ARFGEF3: variants seen among roughly 807,000 people sequenced by gnomAD.
ARFGEF3 encodes the protein ARFGEF family member 3, also known as brefeldin A-inhibited guanine nucleotide-exchange protein 3.
Under a neutral mutation model 221.7 loss-of-function variants are expected in ARFGEF3, and 96 were observed. That is an observed-to-expected ratio of 0.43 (90% CI 0.37 to 0.51). The LOEUF (loss-of-function observed/expected upper bound fraction) is 0.51. ARFGEF3 is among the 20% of genes least tolerant of loss of function. The pLI, the probability that ARFGEF3 is intolerant of heterozygous loss-of-function variation, is 0.00. For synonymous variants in ARFGEF3, 1,145 were observed against 1,126.8 expected (o/e 1.02, Z -0.32); for missense variants, 2,410 against 2,789.9 (o/e 0.86, Z 3.07).
rs1440958039 is a variant in ARFGEF3 at position 138,162,098 on chromosome 6, C to T, written c.12C>T (p.Ile4=). The change falls in exon 1 of 34, where the codon ATC becomes ATT. Residue 4 remains isoleucine (I), a synonymous_variant. Coordinates refer to ENST00000251691, the MANE Select transcript of ARFGEF3 (RefSeq NM_020340.5). This position sits in a 1 kb window ranked among gnomAD's most constrained non-coding sequence, Gnocchi z 4.7. ...CCTGGAAGGTCAAGATGGAAGAAAT[C>T]CTGAGGAAGCTGCAGAAGGAGGCGT... The part of the protein sequence containing the change: MEE[I]LRKLQKEASG... The T allele has an allele frequency of 6.9e-6, 11 of 1,600,796 alleles. No individual in the cohort carries two copies. The highest frequency in any genetic ancestry group is 9.4e-6 in the Non-Finnish European group (11 of 1,173,412).
At chr6:138,321,450 A>G (rs1780025940) in intron 29 of ARFGEF3, among the ~76,000 whole-genome samples, 1 of 152,220 alleles carries the variant, frequency 6.6e-6, no homozygotes. Flanking sequence ...AGTTTCTCAA[A>G]GACATACAGA....
intron 4 of ARFGEF3, among the ~76,000 whole-genome samples, chr6:138,221,699 C>G (rs1304997245): frequency 6.6e-6 from 1 of 152,102 alleles, no homozygotes; most frequent in Admixed American, 6.6e-5. Context: ...ATCACTGTTA[C>G]AGTATTTCCT....
At chr6:138,296,751 T>C (rs1345311946) in intron 20 of ARFGEF3, 59 bp from the exon 21 acceptor site, 1 of 1,568,944 alleles carries the variant, frequency 6.4e-7, no homozygotes, top group East Asian at 2.2e-5. Context: ...TTTGCTTGAA[T>C]AGGTCAGACT....
chr6:138,210,405 A>G (rs939461414), intron 4 of ARFGEF3, among the ~76,000 whole-genome samples: 1 of 152,158 alleles, frequency 6.6e-6, no homozygotes, highest in Non-Finnish European at 1.5e-5. Flanking sequence ...TAATGTTTTG[A>G]TATATACTGA....
At chr6:138,208,905 G>T (rs548947598) in intron 3 of ARFGEF3, among the ~76,000 whole-genome samples, 16 of 152,290 alleles carry the variant, frequency 1.1e-4, no homozygotes, top group African/African-American at 3.1e-4. Context: ...AGGTGGACCT[G>T]ATAGCTGGTT....
chr6:138,274,509 C>G (rs1779060025), intron 12 of ARFGEF3, among the ~76,000 whole-genome samples: 1 of 152,158 alleles, frequency 6.6e-6, no homozygotes, highest in Admixed American at 6.5e-5. Context: ...TTAAAATGCA[C>G]CTCAGCCTAG....
At chr6:138,254,343 T>G (rs537982766) in intron 9 of ARFGEF3, among the ~76,000 whole-genome samples, 25 of 149,254 alleles carry the variant, frequency 1.7e-4, no homozygotes, top group Admixed American at 1.0e-3. Context: ...TGCTTCAACC[T>G]GAGAGGTGAA....
At chr6:138,301,457 T>G (rs1779627518) in intron 22 of ARFGEF3, among the ~76,000 whole-genome samples, 1 of 152,184 alleles carries the variant, frequency 6.6e-6, no homozygotes, top group Non-Finnish European at 1.5e-5. Flanking sequence ...AGGGACAGAC[T>G]TGGTATGGAG....
rs925033278 is a variant in ARFGEF3, at chr6:138,249,420, C to T, written c.665+3829C>T. On this transcript the variant is annotated intron_variant, in intron 8 of 33. Transcript: ENST00000251691. ...TCTGGGCTCACTGCAACTTCCACCT[C>T]CTGGGTTCAAACAATTCTCCTGCTT... Among the ~76,000 whole-genome samples, 5 of 152,204 alleles carry T rather than the reference C, an allele frequency of 3.3e-5. No individual in the cohort carries two copies. The East Asian group carries it at 5.8e-4, about 18-fold the overall frequency.
chr6:138,226,277 G>A (rs1392725053), intron 4 of ARFGEF3, among the ~76,000 whole-genome samples: 2 of 152,118 alleles, frequency 1.3e-5, no homozygotes, highest in African/African-American at 4.8e-5. Flanking sequence ...CTGGATTGTT[G>A]TCACTTGTGC....
intron 13 of ARFGEF3, among the ~76,000 whole-genome samples, chr6:138,279,418 TC>T (rs1427534708): frequency 6.6e-6 from 1 of 152,232 alleles, no homozygotes; most frequent in Non-Finnish European, 1.5e-5. Flanking sequence ...CATAAGCACT[TC>T]CTGTAAGGGA....
chr6:138,289,987 C>T lies in ARFGEF3; in HGVS notation c.3047+19C>T, dbSNP rs745564820. ...TGTTCAGGTGCATGACGGGCTCCCA[C>T]CCCCAGATGGCACTAACCCTGCCTT... On this transcript the variant is annotated intron_variant, in intron 18 of 33. Transcript: ENST00000251691. 1.4e-5 allele frequency: 23 copies of T among 1,598,652 alleles called. 1 individual carries two copies. The South Asian group carries it at 2.2e-4, about 16-fold the overall frequency.
intron 7 of ARFGEF3, among the ~76,000 whole-genome samples, chr6:138,244,205 C>T (rs1200400590): frequency 6.6e-6 from 1 of 152,110 alleles, no homozygotes; most frequent in Admixed American, 6.5e-5. Context: ...TATTGCTGCA[C>T]TTAAGATCTT....
intron 5 of ARFGEF3, among the ~76,000 whole-genome samples, chr6:138,232,900 A>G (rs539839659): frequency 1.3e-5 from 2 of 152,276 alleles, no homozygotes; most frequent in Non-Finnish European, 2.9e-5. Context: ...TAATATTGCA[A>G]ACATGTACTG....
chr6:138,215,986 T>G (rs540755847), intron 4 of ARFGEF3: 12 of 151,756 alleles, frequency 7.9e-5, no homozygotes, highest in African/African-American at 1.9e-4. Context: ...TGTTGTTTTT[T>G]TTTTTGGGTG....
At chr6:138,212,127 G>A (rs1422299200) in intron 4 of ARFGEF3, among the ~76,000 whole-genome samples, 1 of 152,194 alleles carries the variant, frequency 6.6e-6, no homozygotes, top group African/African-American at 2.4e-5. Flanking sequence ...TTTGAAGTCT[G>A]TATACATTGT....
At chr6:138,238,726 GAAAA>G in intron 6 of ARFGEF3, 95 bp downstream of exon 6, 1 of 1,172,246 alleles carries the variant, frequency 8.5e-7, no homozygotes, top group Non-Finnish European at 1.2e-6. Context: ...CCTGCCTCCT[GAAAA>G]CAGTAGGAAG....
At chr6:138,281,694 A>C (rs1779199779) in intron 14 of ARFGEF3, among the ~76,000 whole-genome samples, 1 of 152,250 alleles carries the variant, frequency 6.6e-6, no homozygotes, top group Non-Finnish European at 1.5e-5. Context: ...ATGGACCACA[A>C]GAACTTTTAA....
At chr6:138,176,417 G>A (rs1350333866) in intron 2 of ARFGEF3, among the ~76,000 whole-genome samples, 5 of 152,084 alleles carry the variant, frequency 3.3e-5, no homozygotes, top group Middle Eastern at 3.2e-3. Flanking sequence ...GCCTGACCTC[G>A]TGATCCACCC....
Sources: allele counts gnomAD v4.1 joint callset (sites outside exome capture counted in the v4.1 genomes callset), GRCh38; gene constraint gnomAD v4.1.1; non-coding constraint Gnocchi (gnomAD v3.1); transcripts MANE v1.5; gene names NCBI Gene and HGNC (gene_info 2026-07-23, HGNC 2026-07-21).